The following CIRSR variants were observed in gnomAD, a reference collection of about 807,000 sequenced individuals.
The protein encoded by CIRSR is CBF1 (RBPJ) interacting corepressor 1.
At chr2:174,380,003 A>G in the CIRSR span, among the ~76,000 whole-genome samples, 2 of 152,174 alleles carry the variant, frequency 1.3e-5, no homozygotes, top group African/African-American at 4.8e-5. Flanking sequence ...AATTACAGGC[A>G]TGAGCCACCA....
chr2:174,349,643 C>G, the CIRSR span, among the ~76,000 whole-genome samples: 1 of 150,264 alleles, frequency 6.7e-6, no homozygotes, highest in Non-Finnish European at 1.5e-5. Context: ...CATTTTCTTC[C>G]TTTAAAATTA....
the CIRSR span, among the ~76,000 whole-genome samples, chr2:174,364,433 C>T: frequency 2.0e-5 from 3 of 152,204 alleles, no homozygotes; most frequent in Non-Finnish European, 4.4e-5. Context: ...GTCTGCAGGA[C>T]GGTGGCCCTC....
the CIRSR span, chr2:174,380,806 C>T: frequency 6.3e-7 from 1 of 1,595,016 alleles, no homozygotes; most frequent in Non-Finnish European, 8.5e-7. Context: ...TACTTTACCT[C>T]TTTGTTTTCT....
At chr2:174,380,275 AC>A in the CIRSR span, 2 of 1,521,200 alleles carry the variant, frequency 1.3e-6, no homozygotes, top group Non-Finnish European at 8.9e-7. Context: ...AAATGTACAA[AC>A]ACAATATTAA....
the CIRSR span, among the ~76,000 whole-genome samples, chr2:174,373,828 C>CG: frequency 9.5e-5 from 14 of 147,852 alleles, no homozygotes; most frequent in South Asian, 1.5e-3. Context: ...TACTATCCCC[C>CG]TGTGTGTGTG....
chr2:174,384,059 GA>G, the CIRSR span, among the ~76,000 whole-genome samples: 1 of 152,104 alleles, frequency 6.6e-6, no homozygotes, highest in Non-Finnish European at 1.5e-5. Context: ...ACAAGGACTT[GA>G]CCAGGTATTT....
chr2:174,362,718 TTA>T, the CIRSR span, among the ~76,000 whole-genome samples: 1 of 118,014 alleles, frequency 8.5e-6, no homozygotes, highest in Non-Finnish European at 1.8e-5. Context: ...AAAAAAAATC[TTA>T]CATTTATCAG....
chr2:174,381,033 T>C, the CIRSR span, among the ~76,000 whole-genome samples: 2 of 152,206 alleles, frequency 1.3e-5, no homozygotes, highest in African/African-American at 2.4e-5. Context: ...TCACAGTTTT[T>C]AAACTTTTCA....
chr2:174,387,354 G>T, the CIRSR span: 1 of 180,876 alleles, frequency 5.5e-6, no homozygotes, highest in Non-Finnish European at 1.1e-5. Flanking sequence ...AAAGTATGCT[G>T]GGTATCTTTT....
the CIRSR span, among the ~76,000 whole-genome samples, chr2:174,387,979 G>A: frequency 2.0e-5 from 3 of 152,014 alleles, no homozygotes; most frequent in East Asian, 1.9e-4. Context: ...ATATACTAAC[G>A]ATAGCCAACG....
At chr2:174,390,689 C>T in the CIRSR span, among the ~76,000 whole-genome samples, 6 of 137,970 alleles carry the variant, frequency 4.3e-5, no homozygotes, top group Middle Eastern at 3.3e-3. Context: ...ATAATCCCCG[C>T]GTATCGTGGG....
chr2:174,373,892 T>TAC, the CIRSR span, among the ~76,000 whole-genome samples: 4 of 151,058 alleles, frequency 2.6e-5, no homozygotes, highest in Non-Finnish European at 5.9e-5. Context: ...CACACACACA[T>TAC]ACACACACAC....
At chr2:174,385,413 A>T in the CIRSR span, among the ~76,000 whole-genome samples, 2 of 152,146 alleles carry the variant, frequency 1.3e-5, no homozygotes, top group South Asian at 2.1e-4. Flanking sequence ...TTGGCAAATG[A>T]CCAATTACTC....
the CIRSR span, among the ~76,000 whole-genome samples, chr2:174,389,896 G>A: frequency 6.6e-6 from 1 of 152,232 alleles, no homozygotes; most frequent in African/African-American, 2.4e-5. Flanking sequence ...GTGCGCAGAA[G>A]GCAAGAACTG....
the CIRSR span, among the ~76,000 whole-genome samples, chr2:174,362,073 G>A: frequency 6.6e-6 from 1 of 152,140 alleles, no homozygotes; most frequent in Non-Finnish European, 1.5e-5. Context: ...TGAGGCCAGA[G>A]GAACACTTGA....
the CIRSR span, among the ~76,000 whole-genome samples, chr2:174,391,606 A>C: frequency 2.0e-5 from 3 of 152,192 alleles, no homozygotes; most frequent in East Asian, 5.8e-4. Flanking sequence ...TAAATAAATA[A>C]ATAAATCTGA....
At chr2:174,390,479 T>C in the CIRSR span, among the ~76,000 whole-genome samples, 2 of 152,216 alleles carry the variant, frequency 1.3e-5, no homozygotes, top group Admixed American at 1.3e-4. Flanking sequence ...TACAGGCTCA[T>C]AGGTGGAAGG....
the CIRSR span, chr2:174,380,261 G>A: frequency 1.3e-6 from 2 of 1,576,228 alleles, no homozygotes; most frequent in Non-Finnish European, 1.7e-6. Flanking sequence ...CTATTAAATA[G>A]AGGAAATGTA....
At chr2:174,369,561 C>T in the CIRSR span, among the ~76,000 whole-genome samples, 2 of 152,200 alleles carry the variant, frequency 1.3e-5, no homozygotes, top group African/African-American at 4.8e-5. Flanking sequence ...TTTCAACATG[C>T]TTTCCTTATA....
Sources: gnomAD v4.1 joint callset for allele counts (sites outside exome capture counted in the v4.1 genomes callset) on GRCh38, gnomAD v4.1.1 for gene constraint, MANE v1.5 for transcripts, NCBI Gene and HGNC (gene_info 2026-07-23, HGNC 2026-07-21) for gene names.